The following ANKS1B variants were observed in gnomAD, a reference collection of about 807,000 sequenced individuals.
ANKS1B encodes ankyrin repeat and sterile alpha motif domain containing 1B.
ANKS1B carries 36 observed loss-of-function variants against 148.3 expected under a neutral mutation model. The ratio of observed to expected loss-of-function variants is 0.24; its 90% CI spans 0.19 to 0.32. The LOEUF is 0.32. Ranked by LOEUF, ANKS1B falls within the 10% of genes least tolerant of loss-of-function variation. The pLI is 1.00. For synonymous variants in ANKS1B, 542 were observed against 560.8 expected, an observed-to-expected ratio of 0.97 and a Z score of 0.47; for missense variants, 1,157 against 1,542.6, an observed-to-expected ratio of 0.75 and a Z score of 4.19.
chr12:99,113,028 G>A (rs149545179), intron 15 of ANKS1B, among the ~76,000 whole-genome samples: 45 of 152,256 alleles, frequency 3.0e-4, no homozygotes, highest in African/African-American at 8.9e-4. Context: ...ATGGAACTTC[G>A]AGTATGCATT....
At chr12:98,835,309 G>C (rs1342128237) in intron 17 of ANKS1B, among the ~76,000 whole-genome samples, 1 of 152,130 alleles carries the variant, frequency 6.6e-6, no homozygotes, top group Non-Finnish European at 1.5e-5. Flanking sequence ...TGGTTGGGAA[G>C]ATGAAGAGTA....
chr12:98,952,975 C>CA (rs2099856331), intron 17 of ANKS1B, among the ~76,000 whole-genome samples: 1 of 151,900 alleles, frequency 6.6e-6, no homozygotes, highest in African/African-American at 2.4e-5. Context: ...CCTCCTGCCT[C>CA]AGCCTCCCAA....
chr12:99,003,583 T>C (rs1034994106), intron 17 of ANKS1B, among the ~76,000 whole-genome samples: 1 of 152,242 alleles, frequency 6.6e-6, no homozygotes, highest in Non-Finnish European at 1.5e-5. Context: ...TAAAGTTTGA[T>C]ATTCTATCTT....
intron 17 of ANKS1B, among the ~76,000 whole-genome samples, chr12:99,052,734 C>CAAAAAAAAAA (rs56965572): frequency 1.5e-4 from 4 of 26,014 alleles, no homozygotes; most frequent in African/African-American, 5.7e-4. Context: ...GACTCCGTCT[C>CAAAAAAAAAA]AAAAAAAAAA....
intron 12 of ANKS1B, among the ~76,000 whole-genome samples, chr12:99,299,155 G>A (rs959836675): frequency 5.3e-5 from 8 of 151,882 alleles, no homozygotes; most frequent in Non-Finnish European, 1.2e-4. Context: ...TGAACTCCTG[G>A]GCTCTAGTAA....
chr12:99,473,844 G>A (rs900357662), intron 10 of ANKS1B, among the ~76,000 whole-genome samples: 1 of 151,922 alleles, frequency 6.6e-6, no homozygotes, highest in Admixed American at 6.6e-5. Context: ...TTCCCAGTTT[G>A]TGGCATTTTA....
intron 17 of ANKS1B, among the ~76,000 whole-genome samples, chr12:99,021,472 G>A (rs2099945766): frequency 1.3e-5 from 2 of 151,980 alleles, no homozygotes; most frequent in African/African-American, 4.8e-5. Context: ...TCTCATTTGG[G>A]GGCATGCTTA....
At chr12:99,504,360 A>T in intron 10 of ANKS1B, 116 bp downstream of exon 10, 1 of 1,047,934 alleles carries the variant, frequency 9.5e-7, no homozygotes, top group Non-Finnish European at 1.4e-6. Flanking sequence ...TATTGGAACT[A>T]CATTGGGGGA....
intron 9 of ANKS1B, among the ~76,000 whole-genome samples, chr12:99,553,856 T>C (rs898300568): frequency 7.9e-5 from 12 of 152,236 alleles, no homozygotes; most frequent in African/African-American, 2.2e-4. Context: ...GGCCGAAGAC[T>C]GTCCAATTAG....
In ANKS1B at chr12:98,974,042, C is replaced by A. The variant is rs543832097; in HGVS notation, c.2778+79115G>T. ...AACCCTTGTGGATAAGAGAGGACTA[C>A]TATATGGAAAGTCAGAGTTAGAGAG... On this transcript the variant is annotated intron_variant, in intron 17 of 26. Coordinates refer to ENST00000683438, the MANE Select transcript of ANKS1B (RefSeq NM_001352186.2). Among the ~76,000 whole-genome samples, 54 of 152,174 alleles carry A rather than the reference C, an allele frequency of 3.5e-4. No homozygotes were observed. The South Asian group carries it at 0.011, about 32-fold the overall frequency.
intron 17 of ANKS1B, among the ~76,000 whole-genome samples, chr12:98,944,749 T>C (rs947443543): frequency 2.6e-5 from 4 of 152,194 alleles, no homozygotes; most frequent in African/African-American, 4.8e-5. Flanking sequence ...AAAAGTCAAA[T>C]ACTTCTCTTG....
intron 12 of ANKS1B, among the ~76,000 whole-genome samples, chr12:99,341,464 G>A (rs1288075781): frequency 6.6e-6 from 1 of 152,080 alleles, no homozygotes; most frequent in African/African-American, 2.4e-5. Flanking sequence ...AGATTTAAGA[G>A]ATTTCACTAA....
chr12:99,588,051 G>A (rs2097661898), intron 9 of ANKS1B, among the ~76,000 whole-genome samples: 1 of 151,860 alleles, frequency 6.6e-6, no homozygotes, highest in Admixed American at 6.6e-5. Context: ...CTATAGTGGA[G>A]AAAGTCTTGT....
At chr12:99,194,411 T>A (rs1229540446) in intron 14 of ANKS1B, among the ~76,000 whole-genome samples, 1 of 151,834 alleles carries the variant, frequency 6.6e-6, no homozygotes, top group African/African-American at 2.4e-5. Flanking sequence ...CCCTTTAGTT[T>A]AAATATATAT....
chr12:99,391,138 T>C (rs2094051275), intron 12 of ANKS1B, among the ~76,000 whole-genome samples: 1 of 152,180 alleles, frequency 6.6e-6, no homozygotes, highest in Non-Finnish European at 1.5e-5. Flanking sequence ...ACTTTCTCCA[T>C]CCTCCTCAAA....
chr12:99,015,589 G>A (rs11109702), intron 17 of ANKS1B, among the ~76,000 whole-genome samples: 61,221 of 152,082 alleles, frequency 0.4, 12,602 homozygotes, highest in South Asian at 0.51. Context: ...GGCTTTGGCC[G>A]GGAGCAGTGG....
intron 12 of ANKS1B, among the ~76,000 whole-genome samples, chr12:99,335,739 C>T (rs992520643): frequency 1.3e-5 from 2 of 151,958 alleles, no homozygotes; most frequent in Admixed American, 6.6e-5. Context: ...TTCTGTGGTA[C>T]ATTTTCATTT....
intron 9 of ANKS1B, among the ~76,000 whole-genome samples, chr12:99,557,046 C>T (rs1422257197): frequency 6.6e-6 from 1 of 152,142 alleles, no homozygotes; most frequent in Non-Finnish European, 1.5e-5. Context: ...AGATGTTCAA[C>T]TCTCTCACCT....
chr12:98,791,564 A>G (rs1164965310), intron 22 of ANKS1B, among the ~76,000 whole-genome samples: 2 of 148,358 alleles, frequency 1.3e-5, no homozygotes, highest in Admixed American at 1.3e-4. Context: ...ATTTTTTTTT[A>G]AAGATGGGAT....
Sources: gnomAD v4.1 joint callset for allele counts (sites outside exome capture counted in the v4.1 genomes callset) on GRCh38, gnomAD v4.1.1 for gene constraint, MANE v1.5 for transcripts, NCBI Gene and HGNC (gene_info 2026-07-23, HGNC 2026-07-21) for gene names.